The following CACNA2D3 variants were observed in gnomAD, a reference collection of about 807,000 sequenced individuals.
CACNA2D3 encodes voltage-dependent calcium channel subunit alpha-2/delta-3.
CACNA2D3 carries 60 observed loss-of-function variants against 160.6 expected under a neutral mutation model. The observed-to-expected ratio is 0.37, with a 90% confidence interval of 0.30 to 0.46. The LOEUF (loss-of-function observed/expected upper bound fraction) is 0.46, where lower values mean the gene tolerates loss of function less well. CACNA2D3 is among the 20% of genes least tolerant of loss of function. The pLI is 1.00. For missense variants in CACNA2D3, 1,205 were observed against 1,365.0 expected, an observed-to-expected ratio of 0.88 and a Z score of 1.85; for synonymous variants, 558 against 492.9, an observed-to-expected ratio of 1.13 and a Z score of -1.75.
chr3:55,037,028 T>TG (rs1171192935), intron 35 of CACNA2D3, among the ~76,000 whole-genome samples: 1 of 39,232 alleles, frequency 2.5e-5, no homozygotes, highest in African/African-American at 2.0e-4. Flanking sequence ...TTCTGATGCA[T>TG]GGCCAGGCTG....
rs1301238691 is a variant in CACNA2D3, at chr3:54,789,874, G to A, written c.1380+25523G>A. 5.8e-6 allele frequency: 3 copies of A among 517,652 alleles called. No homozygotes were observed. In the East Asian group the frequency reaches 1.6e-4, roughly 28 times the overall value. 32.1% of individuals were successfully genotyped at this position (517,652 alleles called of 1,614,324 possible). A position where few individuals can be genotyped will look rare whatever the true frequency, so the allele number is the denominator to read the frequency against. Reference sequence around the variant, plus strand: ...GGGATCTCCAGGTCAGGCCGAGCAAGTTAAGGTGACACAGGCTGTTTCAGG... The same window carrying A: ...GGGATCTCCAGGTCAGGCCGAGCAAATTAAGGTGACACAGGCTGTTTCAGG... On this transcript the variant is annotated intron_variant, in intron 13 of 37. Transcript: ENST00000474759.
chr3:54,175,730 G>A (rs1174251286), intron 2 of CACNA2D3, among the ~76,000 whole-genome samples: 1 of 152,152 alleles, frequency 6.6e-6, no homozygotes, highest in African/African-American at 2.4e-5. Context: ...CCAGTGGGGT[G>A]CAGAAGCTGA....
chr3:54,854,128 A>G (rs963259165), intron 17 of CACNA2D3, among the ~76,000 whole-genome samples: 7 of 152,198 alleles, frequency 4.6e-5, no homozygotes, highest in African/African-American at 1.7e-4. Flanking sequence ...GTTTAGTTTC[A>G]AAGAAAGAAT....
intron 3 of CACNA2D3, among the ~76,000 whole-genome samples, chr3:54,354,872 A>C (rs1698622461): frequency 6.6e-6 from 1 of 152,186 alleles, no homozygotes; most frequent in South Asian, 2.1e-4. Context: ...CTCAACAACA[A>C]TCATAAAAAC....
intron 12 of CACNA2D3, among the ~76,000 whole-genome samples, chr3:54,759,638 A>C (rs1241451628): frequency 6.6e-6 from 1 of 152,168 alleles, no homozygotes; most frequent in Non-Finnish European, 1.5e-5. Context: ...TACATAGTGA[A>C]ATATAAGTTG....
At chr3:54,221,080 A>C (rs1701559173) in intron 2 of CACNA2D3, among the ~76,000 whole-genome samples, 1 of 152,174 alleles carries the variant, frequency 6.6e-6, no homozygotes, top group African/African-American at 2.4e-5. Flanking sequence ...GCACAGGCAA[A>C]GCGCTTTGAG....
chr3:54,508,927 A>G (rs1300047909), intron 5 of CACNA2D3, among the ~76,000 whole-genome samples: 1 of 152,248 alleles, frequency 6.6e-6, no homozygotes, highest in Non-Finnish European at 1.5e-5. Context: ...TAAAAAGCCC[A>G]AGAAAAGGGC....
chr3:54,931,812 C>T (rs1371265155), intron 27 of CACNA2D3, among the ~76,000 whole-genome samples: 3 of 152,050 alleles, frequency 2.0e-5, no homozygotes, highest in East Asian at 3.9e-4. Flanking sequence ...GATTATTAAC[C>T]CTACAATAAA....
intron 2 of CACNA2D3, among the ~76,000 whole-genome samples, chr3:54,211,395 A>G (rs748719828): frequency 1.2e-4 from 18 of 152,196 alleles, no homozygotes; most frequent in Non-Finnish European, 2.1e-4. Context: ...GCCGCCATGA[A>G]TACCCTGCAC....
intron 29 of CACNA2D3, among the ~76,000 whole-genome samples, chr3:54,971,891 A>T (rs554673151): frequency 1.1e-4 from 16 of 152,180 alleles, no homozygotes; most frequent in Non-Finnish European, 1.9e-4. Context: ...TACAATGGGG[A>T]TAGAAATATC....
intron 13 of CACNA2D3, among the ~76,000 whole-genome samples, chr3:54,771,810 G>A (rs1221141208): frequency 1.3e-5 from 2 of 152,034 alleles, no homozygotes; most frequent in Admixed American, 1.3e-4. Context: ...AATTTGATGG[G>A]GTGTGTACTT....
intron 35 of CACNA2D3, among the ~76,000 whole-genome samples, chr3:55,064,107 A>AGC (rs146356265): frequency 0.011 from 1,664 of 152,284 alleles, 25 homozygotes; most frequent in African/African-American, 0.037. Flanking sequence ...TGGGGTGCGC[A>AGC]GCTCAGCAGC....
intron 4 of CACNA2D3, among the ~76,000 whole-genome samples, chr3:54,448,512 G>C (rs1164537329): frequency 6.6e-6 from 1 of 152,200 alleles, no homozygotes; most frequent in Non-Finnish European, 1.5e-5. Context: ...GAGAGACCTG[G>C]TTTCACCCAA....
At chr3:54,159,908 A>G (rs1456779463) in intron 2 of CACNA2D3, among the ~76,000 whole-genome samples, 2 of 152,232 alleles carry the variant, frequency 1.3e-5, no homozygotes, top group East Asian at 3.8e-4. Context: ...TATCGTTTAT[A>G]TAGCAAACAT....
chr3:54,797,328 C>T (rs140417799), intron 13 of CACNA2D3, among the ~76,000 whole-genome samples: 2 of 152,276 alleles, frequency 1.3e-5, no homozygotes, highest in Non-Finnish European at 2.9e-5. Flanking sequence ...GCCAAGGAGA[C>T]AGAAGAACAC....
intron 4 of CACNA2D3, among the ~76,000 whole-genome samples, chr3:54,465,533 A>C (rs79632777): frequency 0.02 from 2,988 of 152,080 alleles, 78 homozygotes; most frequent in East Asian, 0.11. Context: ...GAGTCTTGGA[A>C]CGTATCTCTG....
chr3:54,609,107 A>G (rs1698694365), intron 9 of CACNA2D3, among the ~76,000 whole-genome samples: 1 of 152,196 alleles, frequency 6.6e-6, no homozygotes. Flanking sequence ...GAGACAGTTA[A>G]GGTTAAATGA....
At chr3:54,834,735 A>G (rs1323761399) in intron 14 of CACNA2D3, among the ~76,000 whole-genome samples, 2 of 152,202 alleles carry the variant, frequency 1.3e-5, no homozygotes, top group Non-Finnish European at 2.9e-5. Context: ...GAGATAGGCT[A>G]TACAGATAGG....
intron 12 of CACNA2D3, among the ~76,000 whole-genome samples, chr3:54,761,493 G>T (rs1344996489): frequency 6.6e-6 from 1 of 152,174 alleles, no homozygotes; most frequent in African/African-American, 2.4e-5. Flanking sequence ...TGTGTATGTG[G>T]CATGTTCCCT....
Sources: allele counts gnomAD v4.1 joint callset (sites outside exome capture counted in the v4.1 genomes callset), GRCh38; gene constraint gnomAD v4.1.1; transcripts MANE v1.5; gene names NCBI Gene and HGNC (gene_info 2026-07-23, HGNC 2026-07-21).